Variants in CCDC91 observed in about 807,000 individuals in gnomAD.
CCDC91 encodes coiled-coil domain-containing protein 91.
Under a neutral mutation model 63.2 loss-of-function variants are expected in CCDC91, and 48 were observed. That is an observed-to-expected ratio of 0.76 (90% CI 0.60 to 0.97). The LOEUF is 0.97. Ranked by LOEUF, CCDC91 falls within the 50% of genes least tolerant of loss-of-function variation. CCDC91 has a pLI of 0.00. For synonymous variants in CCDC91, 167 were observed against 165.8 expected (o/e 1.01, Z -0.06); for missense variants, 500 against 494.6 (o/e 1.01, Z -0.10).
chr12:28,424,206 A>C (rs971990711), intron 8 of CCDC91, among the ~76,000 whole-genome samples: 5 of 152,172 alleles, frequency 3.3e-5, no homozygotes, highest in Admixed American at 3.3e-4. Context: ...CTGGGATTAC[A>C]GGAGTGAGTT....
At chr12:28,315,173 T>A (rs28435929) in intron 6 of CCDC91, among the ~76,000 whole-genome samples, 11 of 128,694 alleles carry the variant, frequency 8.5e-5, no homozygotes, top group Middle Eastern at 4.3e-3. Flanking sequence ...ATATATATAT[T>A]TTTGTTTTTG....
chr12:28,316,365 T>A (rs1939859113), intron 6 of CCDC91, among the ~76,000 whole-genome samples: 1 of 151,714 alleles, frequency 6.6e-6, no homozygotes, highest in African/African-American at 2.4e-5. Flanking sequence ...TAATCATTTC[T>A]GAAATGATTT....
At chr12:28,341,002 T>C (rs999969538) in intron 6 of CCDC91, among the ~76,000 whole-genome samples, 1 of 152,116 alleles carries the variant, frequency 6.6e-6, no homozygotes, top group Admixed American at 6.6e-5. Context: ...GAAGGTTGTT[T>C]TCCCCTGGAG....
intron 3 of CCDC91, among the ~76,000 whole-genome samples, chr12:28,283,621 A>G (rs1948736427): frequency 6.6e-6 from 1 of 152,102 alleles, no homozygotes; most frequent in African/African-American, 2.4e-5. Flanking sequence ...AGTTTTGCAG[A>G]TGATAAGAGT....
intron 12 of CCDC91, among the ~76,000 whole-genome samples, chr12:28,494,222 C>T (rs1463620693): frequency 6.6e-6 from 1 of 151,550 alleles, no homozygotes; most frequent in Admixed American, 6.6e-5. Context: ...ATCTATTGGT[C>T]GTTAATTAGG....
chr12:28,400,181 G>A (rs756837316), intron 8 of CCDC91, among the ~76,000 whole-genome samples: 3 of 152,110 alleles, frequency 2.0e-5, no homozygotes, highest in South Asian at 2.1e-4. Context: ...CCCAAACCTC[G>A]ATTCTTGATT....
At chr12:28,490,984 C>A (rs1474285887) in intron 12 of CCDC91, among the ~76,000 whole-genome samples, 2 of 151,714 alleles carry the variant, frequency 1.3e-5, no homozygotes, top group Non-Finnish European at 2.9e-5. Context: ...TAGATTATAT[C>A]CCATTATTCC....
chr12:28,347,397 T>TTA (rs1942883668), intron 6 of CCDC91, among the ~76,000 whole-genome samples: 1 of 152,224 alleles, frequency 6.6e-6, no homozygotes, highest in South Asian at 2.1e-4. Context: ...CTTCTGTCCA[T>TTA]TAGTACCCTA....
intron 3 of CCDC91, among the ~76,000 whole-genome samples, chr12:28,300,194 A>G (rs1347342948): frequency 6.6e-6 from 1 of 151,476 alleles, no homozygotes; most frequent in Non-Finnish European, 1.5e-5. Context: ...ATATGATCTC[A>G]TTATTAGACT....
At chr12:28,503,877 T>C (rs1312640768) in intron 12 of CCDC91, among the ~76,000 whole-genome samples, 5 of 151,932 alleles carry the variant, frequency 3.3e-5, no homozygotes, top group Admixed American at 2.6e-4. Context: ...TAGGTAGGAA[T>C]TGAACAATGA....
intron 1 of CCDC91, among the ~76,000 whole-genome samples, chr12:28,231,184 T>C (rs1307472683): frequency 1.3e-5 from 2 of 152,182 alleles, no homozygotes; most frequent in African/African-American, 2.4e-5. Context: ...TTGTGAGAAA[T>C]AAACTGGAAA....
At chr12:28,208,420 T>C (rs7971033) in intron 1 of CCDC91, among the ~76,000 whole-genome samples, 39,697 of 152,094 alleles carry the variant, frequency 0.26, 5,456 homozygotes, top group Non-Finnish European at 0.31. Flanking sequence ...AAAGTATAAC[T>C]TGGAGACTAA....
At chr12:28,307,051 C>T in intron 5 of CCDC91, 106 bp downstream of exon 5, 1 of 756,590 alleles carries the variant, frequency 1.3e-6, no homozygotes, top group Non-Finnish European at 2.1e-6. Context: ...ATACTTTTCT[C>T]CCTTGGTTGT....
chr12:28,533,716 T>G (rs1941928234), intron 12 of CCDC91, among the ~76,000 whole-genome samples: 1 of 152,072 alleles, frequency 6.6e-6, no homozygotes, highest in South Asian at 2.1e-4. Context: ...ATATATTTAT[T>G]TATCATGCTC....
intron 3 of CCDC91, among the ~76,000 whole-genome samples, chr12:28,280,042 A>G (rs1326118453): frequency 5.9e-5 from 9 of 152,034 alleles, no homozygotes; most frequent in Non-Finnish European, 1.2e-4. Context: ...TAAATCTCCA[A>G]ATGTATTTGA....
chr12:28,351,986 A>G (rs1237973147), intron 6 of CCDC91, among the ~76,000 whole-genome samples: 1 of 152,170 alleles, frequency 6.6e-6, no homozygotes, highest in Non-Finnish European at 1.5e-5. Flanking sequence ...GATACTGCAG[A>G]GTTTGGTTCC....
intron 1 of CCDC91, among the ~76,000 whole-genome samples, chr12:28,255,285 G>A (rs1484749013): frequency 1.3e-5 from 2 of 152,156 alleles, no homozygotes; most frequent in African/African-American, 2.4e-5. Flanking sequence ...ACACACAGAA[G>A]CATTACTCTA....
chr12:28,364,897 A>G (rs556131069), intron 7 of CCDC91, among the ~76,000 whole-genome samples: 1 of 152,270 alleles, frequency 6.6e-6, no homozygotes, highest in African/African-American at 2.4e-5. Flanking sequence ...ATATTTTAGA[A>G]CACCTTCGTT....
At chr12:28,310,354 A>G (rs1304843636) in intron 6 of CCDC91, among the ~76,000 whole-genome samples, 1 of 152,098 alleles carries the variant, frequency 6.6e-6, no homozygotes, top group Non-Finnish European at 1.5e-5. Context: ...TTAATGACCA[A>G]TATAAATGCT....
Sources: allele counts gnomAD v4.1 joint callset (sites outside exome capture counted in the v4.1 genomes callset), GRCh38; gene constraint gnomAD v4.1.1; transcripts MANE v1.5; gene names NCBI Gene and HGNC (gene_info 2026-07-23, HGNC 2026-07-21).